PARD3: variants seen among roughly 807,000 people sequenced by gnomAD.
PARD3 encodes par-3 family cell polarity regulator.
PARD3 carries 75 observed loss-of-function variants against 155.4 expected under a neutral mutation model. That is an observed-to-expected ratio of 0.48 (90% confidence interval 0.40 to 0.58). The LOEUF (loss-of-function observed/expected upper bound fraction) is 0.58, where lower values mean the gene tolerates loss of function less well. PARD3 is among the 20% of genes least tolerant of loss of function. PARD3 has a pLI of 0.00. For missense variants in PARD3, 1,642 were observed against 1,721.7 expected, an observed-to-expected ratio of 0.95 and a Z score of 0.82; for synonymous variants, 576 against 610.5, an observed-to-expected ratio of 0.94 and a Z score of 0.83.
At chr10:34,762,270 G>A in intron 1 of PARD3, among the ~76,000 whole-genome samples, 1 of 142,612 alleles carries the variant, frequency 7.0e-6, no homozygotes, top group South Asian at 2.6e-4. Flanking sequence ...GAGAGAGAGA[G>A]AGACAAAGAG....
At chr10:34,372,593 C>T in intron 11 of PARD3, 57 bp from the exon 12 acceptor site, 3 of 1,164,790 alleles carry the variant, frequency 2.6e-6, no homozygotes, top group Non-Finnish European at 1.3e-6. Flanking sequence ...CTTCAACACA[C>T]AGGGACACAA....
intron 1 of PARD3, among the ~76,000 whole-genome samples, chr10:34,720,101 G>A (rs1338525694): frequency 6.6e-6 from 1 of 152,178 alleles, no homozygotes; most frequent in Non-Finnish European, 1.5e-5. Context: ...AGTAAATACT[G>A]AAACACTGAC....
intron 1 of PARD3, among the ~76,000 whole-genome samples, chr10:34,798,089 G>A (rs1470559310): frequency 1.3e-5 from 2 of 152,162 alleles, no homozygotes; most frequent in East Asian, 3.9e-4. Flanking sequence ...GGAGGCTGAG[G>A]CAAGAGGATC....
intron 1 of PARD3, among the ~76,000 whole-genome samples, chr10:34,786,740 C>T (rs1225946437): frequency 1.3e-5 from 2 of 152,158 alleles, no homozygotes; most frequent in African/African-American, 4.8e-5. Context: ...AAAATTTATC[C>T]ACTCCTGACA....
chr10:34,120,318 A>G (rs1946927913), intron 23 of PARD3, among the ~76,000 whole-genome samples: 1 of 151,618 alleles, frequency 6.6e-6, no homozygotes, highest in South Asian at 2.1e-4. Flanking sequence ...AGTCTTTATA[A>G]TGAGGCTTGG....
intron 1 of PARD3, among the ~76,000 whole-genome samples, chr10:34,728,713 CTT>C (rs1456808432): frequency 1.3e-5 from 2 of 152,136 alleles, no homozygotes; most frequent in African/African-American, 4.8e-5. Flanking sequence ...CTGTACTTGC[CTT>C]TTGTTTCTCA....
At chr10:34,679,030 A>T (rs2093763286) in intron 2 of PARD3, among the ~76,000 whole-genome samples, 1 of 152,136 alleles carries the variant, frequency 6.6e-6, no homozygotes, top group Non-Finnish European at 1.5e-5. Context: ...CAAAATCCTC[A>T]ACAGCACAGA....
chr10:34,282,537 T>C lies in PARD3; in HGVS notation c.3176+1598A>G, dbSNP rs79566845. On this transcript the variant is annotated intron_variant, in intron 21 of 24. Transcript: ENST00000374788. ...TGGAAAATGTTGATAGAATTCTGCA[T>C]GGAAACATAGCAGTCACCTTAAACT... Among the ~76,000 whole-genome samples, 653 of 152,320 alleles carry C rather than the reference T, an allele frequency of 4.3e-3. 1 individual carries two copies. Among genetic ancestry groups the C allele is most frequent in the Non-Finnish European group, 7.1e-3 (485 of 68,024 alleles).
chr10:34,616,790 C>G (rs2091283214), intron 2 of PARD3, among the ~76,000 whole-genome samples: 1 of 151,862 alleles, frequency 6.6e-6, no homozygotes, highest in South Asian at 2.1e-4. Flanking sequence ...AAAACAAAAG[C>G]CAGGTATGGT....
chr10:34,669,133 C>T (rs1376968049), intron 2 of PARD3, among the ~76,000 whole-genome samples: 1 of 152,106 alleles, frequency 6.6e-6, no homozygotes, highest in Non-Finnish European at 1.5e-5. Context: ...GAAAAGAAGT[C>T]ATTATATCAA....
At chr10:34,666,796 A>AAAAAAAAAAAAAAATAT (rs1358640964) in intron 2 of PARD3, among the ~76,000 whole-genome samples, 1 of 66,930 alleles carries the variant, frequency 1.5e-5, no homozygotes, top group African/African-American at 6.1e-5. Flanking sequence ...AAAAAAAAAA[A>AAAAAAAAAAAAAAATAT]ATATATATAT....
chr10:34,542,234 T>TGTGTGCGCAC (rs1554889667), intron 2 of PARD3, among the ~76,000 whole-genome samples: 6 of 146,300 alleles, frequency 4.1e-5, no homozygotes, highest in East Asian at 4.1e-4. Flanking sequence ...TGTGTGTGTG[T>TGTGTGCGCAC]GTGTGCACAC....
chr10:34,287,215 T>G (rs1252555218), intron 20 of PARD3, among the ~76,000 whole-genome samples: 2 of 152,206 alleles, frequency 1.3e-5, no homozygotes, highest in East Asian at 3.8e-4. Flanking sequence ...GTACAAATCC[T>G]AACTTCCAGA....
At chr10:34,646,401 T>C (rs1021646066) in intron 2 of PARD3, among the ~76,000 whole-genome samples, 2 of 152,190 alleles carry the variant, frequency 1.3e-5, no homozygotes, top group Non-Finnish European at 2.9e-5. Flanking sequence ...TTCACCTCTC[T>C]CCCCAGGGTG....
At chr10:34,632,803 A>T (rs553622582) in intron 2 of PARD3, among the ~76,000 whole-genome samples, 2 of 152,374 alleles carry the variant, frequency 1.3e-5, no homozygotes, top group East Asian at 3.9e-4. Flanking sequence ...ACACTCCAAT[A>T]GATTCAAACA....
chr10:34,468,681 A>G (rs1372043188), intron 4 of PARD3, among the ~76,000 whole-genome samples: 1 of 152,224 alleles, frequency 6.6e-6, no homozygotes, highest in Non-Finnish European at 1.5e-5. Context: ...TTAAGTTCAT[A>G]ATTCAAAAAA....
At chr10:34,798,083 G>C (rs1407528699) in intron 1 of PARD3, among the ~76,000 whole-genome samples, 1 of 152,084 alleles carries the variant, frequency 6.6e-6, no homozygotes. Context: ...GTTATGGGAG[G>C]CTGAGGCAAG....
chr10:34,406,203 A>G (rs1265576930), intron 5 of PARD3, among the ~76,000 whole-genome samples: 3 of 152,352 alleles, frequency 2.0e-5, no homozygotes, highest in Non-Finnish European at 2.9e-5. Flanking sequence ...ACTAAAAGTC[A>G]TATCTTCTAC....
At chr10:34,632,062 C>T (rs1036616101) in intron 2 of PARD3, among the ~76,000 whole-genome samples, 1 of 152,156 alleles carries the variant, frequency 6.6e-6, no homozygotes, top group African/African-American at 2.4e-5. Flanking sequence ...CTTTTGAGAT[C>T]AGCCTGGCCA....
Sources: gnomAD v4.1 joint callset for allele counts (sites outside exome capture counted in the v4.1 genomes callset) on GRCh38, gnomAD v4.1.1 for gene constraint, MANE v1.5 for transcripts, NCBI Gene and HGNC (gene_info 2026-07-23, HGNC 2026-07-21) for gene names.